SLC39A11: variants seen among roughly 807,000 people sequenced by gnomAD.
The protein encoded by SLC39A11 is zinc transporter ZIP11.
SLC39A11 carries 33 observed loss-of-function variants against 36.1 expected under a neutral mutation model. That is an observed-to-expected ratio of 0.91 (90% CI 0.69 to 1.22). SLC39A11 has a LOEUF of 1.22. SLC39A11 is among the 50% of genes most tolerant of loss of function. The pLI is 0.00. For synonymous variants in SLC39A11, 166 were observed against 170.3 expected (o/e 0.97, Z 0.20); for missense variants, 432 against 430.3 (o/e 1.00, Z -0.03).
Position 72,648,889 on chromosome 17 carries a change from C to T in SLC39A11, c.843G>A (p.Glu281=). Residue 281 remains glutamate (E), a synonymous_variant, in exon 9 of 10, where the codon GAG becomes GAA. Transcript: ENST00000255559. Reference sequence around the variant, plus strand: ...AGGCCAGAGCGTAGGGCAGGATGGGCTCAGCCAGCACCACGGCAAAGGCAC... The same window carrying T: ...AGGCCAGAGCGTAGGGCAGGATGGGTTCAGCCAGCACCACGGCAAAGGCAC... ...VFGAFAVVLA[E]PILPYALAFA... 2 of 1,614,134 alleles carry T rather than the reference C, an allele frequency of 1.2e-6. No individual in the cohort carries two copies. Among genetic ancestry groups the T allele is most frequent in the Non-Finnish European group, 1.7e-6 (2 of 1,180,026 alleles).
At chr17:72,773,339 G>C (rs1038555170) in intron 6 of SLC39A11, among the ~76,000 whole-genome samples, 1 of 152,128 alleles carries the variant, frequency 6.6e-6, no homozygotes, top group Non-Finnish European at 1.5e-5. Flanking sequence ...CATGTGTTGT[G>C]GGAGCGACCT....
At chr17:73,026,595 C>T (rs1299464468) in intron 4 of SLC39A11, among the ~76,000 whole-genome samples, 1 of 151,262 alleles carries the variant, frequency 6.6e-6, no homozygotes, top group East Asian at 1.9e-4. Context: ...ATGATACCCG[C>T]TAAACTGGTA....
At chr17:72,801,267 C>G (rs938989001) in intron 6 of SLC39A11, among the ~76,000 whole-genome samples, 5 of 152,208 alleles carry the variant, frequency 3.3e-5, no homozygotes, top group African/African-American at 1.2e-4. Context: ...GTCATCCATG[C>G]TGGAGTGCAG....
intron 1 of SLC39A11, among the ~76,000 whole-genome samples, 186 bp from the exon 2 acceptor site, chr17:73,088,961 C>A (rs2060834855): frequency 6.6e-6 from 1 of 152,150 alleles, no homozygotes; most frequent in Non-Finnish European, 1.5e-5. Context: ...CTATCCAGGT[C>A]CCCCAGGAAC....
At chr17:72,757,079 T>C (rs1028944525) in intron 6 of SLC39A11, among the ~76,000 whole-genome samples, 71 of 150,724 alleles carry the variant, frequency 4.7e-4, no homozygotes, top group African/African-American at 1.7e-3. Flanking sequence ...GGCAGGAGAA[T>C]CGCTTGAAAC....
chr17:72,936,421 A>ATAAAAAAAAAAT (rs1213954580), intron 5 of SLC39A11, among the ~76,000 whole-genome samples: 11 of 145,768 alleles, frequency 7.5e-5, no homozygotes, highest in African/African-American at 2.9e-4. Flanking sequence ...TAAAAAAAAA[A>ATAAAAAAAAAAT]AAAAAAAAAA....
At chr17:72,950,572 A>T (rs2085787921) in intron 4 of SLC39A11, among the ~76,000 whole-genome samples, 1 of 152,212 alleles carries the variant, frequency 6.6e-6, no homozygotes, top group Non-Finnish European at 1.5e-5. Context: ...CTGCAGCAAT[A>T]AAAGATATGT....
intron 6 of SLC39A11, among the ~76,000 whole-genome samples, chr17:72,812,826 G>A (rs1005254383): frequency 3.3e-5 from 5 of 152,118 alleles, no homozygotes; most frequent in Non-Finnish European, 7.4e-5. Context: ...ATTGTGCTTG[G>A]GGGGGTTTAG....
intron 3 of SLC39A11, among the ~76,000 whole-genome samples, chr17:73,051,667 G>A (rs368759290): frequency 1.9e-5 from 2 of 104,522 alleles, no homozygotes; most frequent in South Asian, 3.2e-4. Context: ...AGACCAGCCC[G>A]GCCAACATGG....
intron 4 of SLC39A11, among the ~76,000 whole-genome samples, chr17:72,956,605 C>T (rs916221445): frequency 1.3e-5 from 2 of 152,178 alleles, no homozygotes; most frequent in Non-Finnish European, 2.9e-5. Context: ...TTCTAATCCT[C>T]GATGATTATC....
chr17:72,647,635 G>A lies in SLC39A11; in HGVS notation c.957C>T (p.Ala319=). 1.2e-6 allele frequency: 2 copies of A among 1,614,012 alleles called. No individual in the cohort carries two copies. Among genetic ancestry groups the A allele is most frequent in the East Asian group, 4.5e-5 (2 of 44,872 alleles). ...TCATCACTACAAATCCCAGGATGGA[G>A]GCCCAGGATGCCAGTTTCCCATTAC... ...ISGNGKLASW[A]SILGFVVMMS... is the part of the protein sequence containing the mutation. Residue 319 remains alanine (A), a synonymous_variant, in exon 10 of 10, where the codon GCC becomes GCT. Coordinates refer to ENST00000255559, the MANE Select transcript of SLC39A11 (RefSeq NM_139177.4).
At chr17:72,670,178 C>T (rs1196097193) in intron 7 of SLC39A11, among the ~76,000 whole-genome samples, 5 of 74,146 alleles carry the variant, frequency 6.7e-5, no homozygotes, top group African/African-American at 2.3e-4. Flanking sequence ...CACACACACA[C>T]ACACACACAC....
chr17:72,967,399 A>AGAGAGTGT (rs143987646), intron 4 of SLC39A11, among the ~76,000 whole-genome samples: 12 of 138,276 alleles, frequency 8.7e-5, no homozygotes, highest in South Asian at 7.0e-4. Context: ...AGAGAGAGAG[A>AGAGAGTGT]GTGTGTGTGT....
chr17:72,882,311 G>A (rs544355779), intron 5 of SLC39A11, among the ~76,000 whole-genome samples: 34 of 149,930 alleles, frequency 2.3e-4, no homozygotes, highest in African/African-American at 7.4e-4. Flanking sequence ...AGCCAAGATC[G>A]TGCCACTGTA....
intron 3 of SLC39A11, among the ~76,000 whole-genome samples, chr17:73,063,269 G>A (rs2131606): frequency 0.06 from 9,162 of 152,108 alleles, 391 homozygotes; most frequent in South Asian, 0.19. Context: ...AGGTACTACC[G>A]TTAGCACTAA....
rs866930194 is a variant in SLC39A11, at chr17:73,008,608, G to A, written c.306+22948C>T. 3.3e-5 allele frequency among the ~76,000 whole-genome samples: 5 copies of A among 152,234 alleles called. No homozygotes were observed. The East Asian group carries it at 7.7e-4, about 23-fold the overall frequency. ...ATATAGACCCAAAAGAACTGAAAAC[G>A]GTGCTCAAACAAATCCTTGGTCACT... is the stretch of plus-strand genomic sequence containing the variant. On this transcript the variant is annotated intron_variant, in intron 4 of 9. Coordinates refer to ENST00000255559, the MANE Select transcript of SLC39A11 (RefSeq NM_139177.4).
chr17:72,833,191 T>C (rs2078362440), intron 6 of SLC39A11, among the ~76,000 whole-genome samples: 1 of 152,196 alleles, frequency 6.6e-6, no homozygotes, highest in Non-Finnish European at 1.5e-5. Context: ...TTTAGAAATA[T>C]AGTCTGTGGC....
intron 6 of SLC39A11, among the ~76,000 whole-genome samples, chr17:72,828,585 G>A (rs2078129960): frequency 6.6e-6 from 1 of 152,214 alleles, no homozygotes; most frequent in Non-Finnish European, 1.5e-5. Context: ...GCTTAACTAA[G>A]GACCCTAAAA....
intron 5 of SLC39A11, among the ~76,000 whole-genome samples, chr17:72,887,725 G>T (rs929841721): frequency 6.6e-6 from 1 of 152,034 alleles, no homozygotes; most frequent in Admixed American, 6.6e-5. Context: ...AATATGTCAG[G>T]AACAATTTAC....
Sources: allele counts gnomAD v4.1 joint callset (sites outside exome capture counted in the v4.1 genomes callset), GRCh38; gene constraint gnomAD v4.1.1; transcripts MANE v1.5; gene names NCBI Gene and HGNC (gene_info 2026-07-23, HGNC 2026-07-21).